The following RIMS1 variants were observed in gnomAD, a reference collection of about 807,000 sequenced individuals.
RIMS1 encodes the protein regulating synaptic membrane exocytosis 1, also known as regulating synaptic membrane exocytosis protein 1.
In RIMS1, 83 loss-of-function variants were observed where a neutral mutation model predicts 214.1. That is an observed-to-expected ratio of 0.39 (90% CI 0.32 to 0.47). RIMS1 has a LOEUF of 0.47. RIMS1 is among the 20% of genes least tolerant of loss of function. RIMS1 has a pLI of 0.99. For missense variants in RIMS1, 2,050 were observed against 2,161.8 expected (o/e 0.95, Z 1.03); for synonymous variants, 793 against 786.8 (o/e 1.01, Z -0.13).
Position 72,035,207 on chromosome 6 carries a change from C to G in RIMS1, c.246-61742C>G, listed in dbSNP as rs370909259. 5.3e-5 allele frequency among the ~76,000 whole-genome samples: 8 copies of G among 152,160 alleles called. No homozygotes were observed. The East Asian group carries it at 1.2e-3, about 22-fold the overall frequency. On this transcript the variant is annotated intron_variant, in intron 2 of 33. Transcript: ENST00000521978. ...CTCTGTAAAGAATTTCTAACAATGC[C>G]TCAAATTGGTAAGGGTCTAATAAGA...
At chr6:72,372,624 G>A (rs2098253534) in intron 29 of RIMS1, among the ~76,000 whole-genome samples, 1 of 152,170 alleles carries the variant, frequency 6.6e-6, no homozygotes, top group African/African-American at 2.4e-5. Flanking sequence ...TTGTACCTTT[G>A]TAGGGGCAAT....
intron 6 of RIMS1, among the ~76,000 whole-genome samples, chr6:72,214,941 CA>C (rs1487020520): frequency 6.6e-6 from 1 of 152,104 alleles, no homozygotes; most frequent in Non-Finnish European, 1.5e-5. Context: ...CAGGCTGTTT[CA>C]AACTCCTGAC....
At chr6:72,386,840 T>C (rs2098613872) in intron 29 of RIMS1, among the ~76,000 whole-genome samples, 2 of 150,722 alleles carry the variant, frequency 1.3e-5, no homozygotes, top group South Asian at 4.2e-4. Context: ...TTCACGCCAT[T>C]CTCCTGCCTG....
intron 28 of RIMS1, 127 bp downstream of exon 28, chr6:72,313,799 A>T (rs909880665): frequency 2.2e-6 from 2 of 912,898 alleles, no homozygotes; most frequent in East Asian, 2.7e-5. Context: ...ATCGACTACT[A>T]TGTAGTATTG....
intron 2 of RIMS1, among the ~76,000 whole-genome samples, chr6:72,065,279 A>G (rs1227803831): frequency 1.3e-5 from 2 of 152,206 alleles, no homozygotes; most frequent in African/African-American, 2.4e-5. Flanking sequence ...TTGTATTACC[A>G]GTAACTTGAC....
chr6:72,332,405 TA>T (rs2096694639), intron 28 of RIMS1, among the ~76,000 whole-genome samples: 1 of 151,482 alleles, frequency 6.6e-6, no homozygotes, highest in African/African-American at 2.4e-5. Context: ...GTAAGAATCC[TA>T]ACATCATTCT....
chr6:72,129,055 A>G (rs905942665), intron 4 of RIMS1, among the ~76,000 whole-genome samples: 3 of 152,106 alleles, frequency 2.0e-5, no homozygotes, highest in African/African-American at 7.2e-5. Flanking sequence ...TGTTTCCTCC[A>G]CATTTTAAAT....
At chr6:72,186,220 G>T (rs929979772) in intron 6 of RIMS1, among the ~76,000 whole-genome samples, 1 of 152,216 alleles carries the variant, frequency 6.6e-6, no homozygotes, top group Non-Finnish European at 1.5e-5. Flanking sequence ...AGCATCAACT[G>T]TACTTCACAA....
chr6:72,064,763 A>C (rs1828854553), intron 2 of RIMS1, among the ~76,000 whole-genome samples: 1 of 152,194 alleles, frequency 6.6e-6, no homozygotes, highest in South Asian at 2.1e-4. Context: ...CTGGGCTCTG[A>C]AGGACCACCC....
chr6:72,141,102 C>T (rs2042028483), intron 4 of RIMS1, among the ~76,000 whole-genome samples: 1 of 151,956 alleles, frequency 6.6e-6, no homozygotes, highest in Non-Finnish European at 1.5e-5. Context: ...ATAGACATTT[C>T]TGCATATCTT....
At chr6:72,307,808 G>A (rs2095302776) in intron 27 of RIMS1, among the ~76,000 whole-genome samples, 1 of 151,764 alleles carries the variant, frequency 6.6e-6, no homozygotes, top group Admixed American at 6.6e-5. Context: ...TTCTACCAAA[G>A]CCAAAAAAAC....
chr6:72,060,274 C>G lies in RIMS1; in HGVS notation c.246-36675C>G, dbSNP rs1001688700. On this transcript the variant is annotated intron_variant, in intron 2 of 33. Coordinates refer to ENST00000521978, the MANE Select transcript of RIMS1 (RefSeq NM_014989.7). ...ATGAACCACTGCGCCCAGCCTGAAGCTGCTTTTTACAGAATCTTCCTGACC... is the reference window on the plus strand; with the variant it reads ...ATGAACCACTGCGCCCAGCCTGAAGGTGCTTTTTACAGAATCTTCCTGACC... Among the ~76,000 whole-genome samples the G allele has an allele frequency of 2.4e-4, 37 of 152,066 alleles. 1 individual carries two copies. Among genetic ancestry groups the G allele is most frequent in the African/African-American group, 8.9e-4 (37 of 41,398 alleles).
intron 26 of RIMS1, among the ~76,000 whole-genome samples, chr6:72,303,213 T>C (rs1202144792): frequency 6.6e-6 from 1 of 151,014 alleles, no homozygotes; most frequent in Non-Finnish European, 1.5e-5. Flanking sequence ...AAGGAGGTTA[T>C]ATTATAGAAA....
chr6:71,909,796 G>T (rs1776346103), intron 1 of RIMS1, among the ~76,000 whole-genome samples: 2 of 151,914 alleles, frequency 1.3e-5, no homozygotes, highest in South Asian at 4.1e-4. Flanking sequence ...TATATTGTTT[G>T]GATCAGAAAA....
At chr6:72,037,597 G>A (rs1331467477) in intron 2 of RIMS1, among the ~76,000 whole-genome samples, 1 of 151,946 alleles carries the variant, frequency 6.6e-6, no homozygotes, top group Non-Finnish European at 1.5e-5. Context: ...GATGAGTTTG[G>A]ACATATGTGT....
At position 71,969,020 on chromosome 6, in the gene RIMS1, A is replaced by G; in HGVS notation, c.202A>G (p.Lys68Glu). The stretch of plus-strand genomic sequence containing the variant: ...GGACATGGCGAAGCCTGCTGCCTGC[A>G]AAACACCAAGAAATGCTGAAAACCA... ...VRDMAKPAAC[K>E]TPRNAENQPH... Residue 68 changes from lysine to glutamate, a missense_variant, in exon 2 of 34, where the codon AAA (lysine) becomes GAA (glutamate). Transcript: ENST00000521978. 2 of 1,614,020 alleles carry G rather than the reference A, an allele frequency of 1.2e-6. No individual in the cohort carries two copies. Among genetic ancestry groups the G allele is most frequent in the Non-Finnish European group, 1.7e-6 (2 of 1,179,876 alleles).
intron 1 of RIMS1, among the ~76,000 whole-genome samples, chr6:71,935,230 CA>C (rs776742747): frequency 9.2e-5 from 14 of 152,144 alleles, no homozygotes; most frequent in East Asian, 5.8e-4. Context: ...CTCTTGAATT[CA>C]AACAGAGATG....
At chr6:71,890,489 T>C (rs1769324428) in intron 1 of RIMS1, among the ~76,000 whole-genome samples, 1 of 131,784 alleles carries the variant, frequency 7.6e-6, no homozygotes, top group African/African-American at 3.0e-5. Flanking sequence ...TGAGCCAATA[T>C]ATTACATAGG....
chr6:71,976,405 G>A (rs1235368377), intron 2 of RIMS1, among the ~76,000 whole-genome samples: 1 of 151,894 alleles, frequency 6.6e-6, no homozygotes, highest in African/African-American at 2.4e-5. Flanking sequence ...AATAAAATTG[G>A]GTTTTCTCTA....
Sources: gnomAD v4.1 joint callset for allele counts (sites outside exome capture counted in the v4.1 genomes callset) on GRCh38, gnomAD v4.1.1 for gene constraint, MANE v1.5 for transcripts, NCBI Gene and HGNC (gene_info 2026-07-23, HGNC 2026-07-21) for gene names.